The following EXOC4 variants were observed in gnomAD, a reference collection of about 807,000 sequenced individuals.
EXOC4 encodes the protein SEC8-like 1.
A neutral mutation model predicts 107.2 loss-of-function variants in EXOC4; 71 were observed. The ratio of observed to expected loss-of-function variants is 0.66; its 90% confidence interval spans 0.55 to 0.81. The LOEUF (loss-of-function observed/expected upper bound fraction) is 0.81, where lower values mean the gene tolerates loss of function less well. EXOC4 is among the 30% of genes least tolerant of loss of function. EXOC4 has a pLI of 0.00. For synonymous variants in EXOC4, 456 were observed against 441.2 expected (o/e 1.03, Z -0.42); for missense variants, 1,108 against 1,189.6 (o/e 0.93, Z 1.01).
At chr7:133,347,244 CTT>C (rs57983951) in intron 5 of EXOC4, among the ~76,000 whole-genome samples, 13 of 139,398 alleles carry the variant, frequency 9.3e-5, no homozygotes, top group Non-Finnish European at 9.3e-5. Flanking sequence ...GTAAACTATA[CTT>C]TTTTTTTTTT....
intron 6 of EXOC4, 100 bp from the exon 7 acceptor site, chr7:133,374,728 A>T: frequency 1.1e-6 from 1 of 927,472 alleles, no homozygotes; most frequent in Non-Finnish European, 1.6e-6. Context: ...TTTACATTGT[A>T]GAATGCTACT....
chr7:133,489,309 A>G (rs759236762), intron 9 of EXOC4, among the ~76,000 whole-genome samples: 6 of 152,196 alleles, frequency 3.9e-5, no homozygotes, highest in Non-Finnish European at 8.8e-5. Flanking sequence ...TACAAATGTC[A>G]TATGCACTCA....
chr7:133,735,594 C>G lies in EXOC4; in HGVS notation c.1515-81731C>G, dbSNP rs919668901. ...GACCCTCTGAAGAGTCTTCTTCTAGCATGACTCTATTCTACTCAAAAATCT... is the reference window on the plus strand; with the variant it reads ...GACCCTCTGAAGAGTCTTCTTCTAGGATGACTCTATTCTACTCAAAAATCT... On this transcript the variant is annotated intron_variant, in intron 10 of 17. Coordinates refer to ENST00000253861, the MANE Select transcript of EXOC4 (RefSeq NM_021807.4). Among the ~76,000 whole-genome samples, 4 of 152,146 alleles carry G rather than the reference C, an allele frequency of 2.6e-5. No individual in the cohort carries two copies. The East Asian group carries it at 7.7e-4, about 29-fold the overall frequency.
At chr7:133,547,684 T>C (rs1481976935) in intron 9 of EXOC4, among the ~76,000 whole-genome samples, 2 of 152,174 alleles carry the variant, frequency 1.3e-5, no homozygotes, top group Non-Finnish European at 2.9e-5. Flanking sequence ...TCTCAAGAAA[T>C]CACTTTCTTT....
chr7:133,456,956 A>G (rs113512763), intron 7 of EXOC4, among the ~76,000 whole-genome samples: 206 of 152,336 alleles, frequency 1.4e-3, no homozygotes, highest in African/African-American at 4.8e-3. Flanking sequence ...GTTCAATGGA[A>G]TGGAAGACCA....
At chr7:133,823,448 G>A (rs1797573376) in intron 11 of EXOC4, among the ~76,000 whole-genome samples, 1 of 152,108 alleles carries the variant, frequency 6.6e-6, no homozygotes, top group Non-Finnish European at 1.5e-5. Flanking sequence ...CATGCAGCCA[G>A]AATTTGTACC....
At chr7:133,448,570 A>G (rs1385413393) in intron 7 of EXOC4, among the ~76,000 whole-genome samples, 1 of 151,972 alleles carries the variant, frequency 6.6e-6, no homozygotes, top group Non-Finnish European at 1.5e-5. Context: ...ACCCATCCCC[A>G]AGTGCTGTGG....
rs147052523 is a variant in EXOC4 at position 133,293,099 on chromosome 7, C to A, written c.471+3983C>A. 2.1e-3 allele frequency among the ~76,000 whole-genome samples: 314 copies of A among 152,234 alleles called. 2 individuals are homozygous for A. The highest frequency in any genetic ancestry group is 7.4e-3 in the African/African-American group (308 of 41,542). Reference sequence around the variant, plus strand: ...GTTACATTTGTTAGCTTATTTCTTTCAACAACTCCACTTCTGATATTACCA... The same window carrying A: ...GTTACATTTGTTAGCTTATTTCTTTAAACAACTCCACTTCTGATATTACCA... On this transcript the variant is annotated intron_variant, in intron 3 of 17. Coordinates refer to ENST00000253861, the MANE Select transcript of EXOC4 (RefSeq NM_021807.4).
intron 5 of EXOC4, among the ~76,000 whole-genome samples, chr7:133,331,059 A>G (rs1377945524): frequency 6.6e-6 from 1 of 152,118 alleles, no homozygotes; most frequent in Non-Finnish European, 1.5e-5. Flanking sequence ...TACAATTATT[A>G]TATTTAGATC....
At chr7:133,658,484 T>A (rs1404505385) in intron 10 of EXOC4, among the ~76,000 whole-genome samples, 1 of 152,176 alleles carries the variant, frequency 6.6e-6, no homozygotes. Context: ...CAGGCTGCTA[T>A]GGGGCTCATG....
chr7:133,325,496 C>T (rs921715511), intron 5 of EXOC4, among the ~76,000 whole-genome samples: 50 of 152,138 alleles, frequency 3.3e-4, no homozygotes, highest in African/African-American at 1.2e-3. Flanking sequence ...ATATGAAATT[C>T]TGGGCTGAAA....
intron 7 of EXOC4, among the ~76,000 whole-genome samples, chr7:133,375,994 A>C (rs1039921640): frequency 6.6e-6 from 1 of 152,224 alleles, no homozygotes; most frequent in Non-Finnish European, 1.5e-5. Flanking sequence ...TAATATGAAA[A>C]AAATTAAGTA....
At chr7:133,331,712 G>T (rs143695808) in intron 5 of EXOC4, among the ~76,000 whole-genome samples, 5 of 152,004 alleles carry the variant, frequency 3.3e-5, no homozygotes, top group African/African-American at 9.7e-5. Flanking sequence ...TGATCCGCCC[G>T]CCTCGGCCTC....
intron 9 of EXOC4, among the ~76,000 whole-genome samples, chr7:133,608,552 T>TTC (rs1695929008): frequency 1.4e-5 from 2 of 142,396 alleles, no homozygotes; most frequent in South Asian, 2.4e-4. Context: ...ATTTCTTTTT[T>TTC]TTTTTTTTTT....
intron 14 of EXOC4, among the ~76,000 whole-genome samples, chr7:133,985,855 G>A (rs1169392450): frequency 6.6e-6 from 1 of 152,052 alleles, no homozygotes; most frequent in Admixed American, 6.6e-5. Context: ...CGATCCTCCA[G>A]TTCCCTCATT....
chr7:133,573,026 G>A (rs1463146387), intron 9 of EXOC4, among the ~76,000 whole-genome samples: 2 of 152,106 alleles, frequency 1.3e-5, no homozygotes, highest in Non-Finnish European at 2.9e-5. Context: ...TAACCATATG[G>A]CAAAGCACTT....
At chr7:133,433,669 C>A (rs1364094699) in intron 7 of EXOC4, among the ~76,000 whole-genome samples, 3 of 152,182 alleles carry the variant, frequency 2.0e-5, no homozygotes, top group African/African-American at 7.2e-5. Flanking sequence ...CTTTTAAAGA[C>A]CTTCTTTAGG....
the EXOC4 span, among the ~76,000 whole-genome samples, chr7:134,092,214 A>G: frequency 6.6e-6 from 1 of 152,200 alleles, no homozygotes; most frequent in Non-Finnish European, 1.5e-5. Context: ...CCTTCTGAAT[A>G]TACTAAAATC....
At chr7:133,563,627 C>T (rs774761586) in intron 9 of EXOC4, among the ~76,000 whole-genome samples, 3 of 152,084 alleles carry the variant, frequency 2.0e-5, no homozygotes, top group Non-Finnish European at 2.9e-5. Flanking sequence ...ATGTGTAGCT[C>T]GAGTAGGAGG....
Sources: gnomAD v4.1 joint callset for allele counts (sites outside exome capture counted in the v4.1 genomes callset) on GRCh38, gnomAD v4.1.1 for gene constraint, MANE v1.5 for transcripts, NCBI Gene and HGNC (gene_info 2026-07-23, HGNC 2026-07-21) for gene names.